ETFA: variants seen among roughly 807,000 people sequenced by gnomAD.
ETFA encodes electron transfer flavoprotein subunit alpha, mitochondrial.
A neutral mutation model predicts 46.2 loss-of-function variants in ETFA; 22 were observed. The observed-to-expected ratio is 0.48, with a 90% CI of 0.34 to 0.68. The LOEUF (loss-of-function observed/expected upper bound fraction) is 0.68, where lower values mean the gene tolerates loss of function less well. Among genes scored for constraint, ETFA ranks in the 30% least tolerant of loss-of-function variants. The pLI, the probability that ETFA is intolerant of heterozygous loss-of-function variation, is 0.01. For missense variants in ETFA, 345 were observed against 401.1 expected (o/e 0.86, Z 1.19); for synonymous variants, 131 against 139.9 (o/e 0.94, Z 0.45).
At chr15:76,239,786 TA>T (rs200710641) in intron 9 of ETFA, among the ~76,000 whole-genome samples, 4,183 of 133,098 alleles carry the variant, frequency 0.031, 116 homozygotes, top group African/African-American at 0.075. Flanking sequence ...TTGTACATAT[TA>T]AAAAAAAAAA....
intron 8 of ETFA, among the ~76,000 whole-genome samples, chr15:76,276,616 G>GT (rs1308003133): frequency 4.4e-4 from 66 of 151,328 alleles, no homozygotes; most frequent in Admixed American, 1.4e-3. Context: ...TACAGTTCAG[G>GT]TTTTTTTGTT....
At chr15:76,232,943 T>C (rs1285988389) in intron 9 of ETFA, among the ~76,000 whole-genome samples, 1 of 152,176 alleles carries the variant, frequency 6.6e-6, no homozygotes, top group Non-Finnish European at 1.5e-5. Flanking sequence ...GTCCAACTGC[T>C]CCTAGAGCAG....
chr15:76,232,843 A>G (rs2039083357), intron 9 of ETFA, among the ~76,000 whole-genome samples: 2 of 152,214 alleles, frequency 1.3e-5, no homozygotes, highest in Non-Finnish European at 2.9e-5. Context: ...GAGAACCACT[A>G]CAATAAGTGA....
At chr15:76,217,900 G>A (rs79195417) in intron 11 of ETFA, among the ~76,000 whole-genome samples, 1,801 of 152,330 alleles carry the variant, frequency 0.012, 40 homozygotes, top group African/African-American at 0.042. Context: ...TTGTCGACAT[G>A]TTGTTTCTTC....
intron 8 of ETFA, among the ~76,000 whole-genome samples, chr15:76,280,010 T>A (rs1398896601): frequency 6.6e-6 from 1 of 151,856 alleles, no homozygotes; most frequent in Non-Finnish European, 1.5e-5. Flanking sequence ...GAGATCCTCC[T>A]GCCTCAGCCT....
intron 9 of ETFA, among the ~76,000 whole-genome samples, chr15:76,272,325 A>G (rs1201800079): frequency 6.6e-6 from 1 of 151,658 alleles, no homozygotes; most frequent in Non-Finnish European, 1.5e-5. Flanking sequence ...GGTTCAAACA[A>G]TTCTCCTGTT....
chr15:76,259,634 C>T, intron 9 of ETFA: 2 of 886,596 alleles, frequency 2.3e-6, no homozygotes, highest in African/African-American at 3.3e-5. Context: ...ACTTGACGGG[C>T]AATTTGGAGG....
intron 2 of ETFA, among the ~76,000 whole-genome samples, chr15:76,292,968 C>T (rs1173003987): frequency 6.6e-6 from 1 of 152,150 alleles, no homozygotes; most frequent in Non-Finnish European, 1.5e-5. Context: ...GAAACCCCAT[C>T]TCTACTAAAA....
intron 1 of ETFA, among the ~76,000 whole-genome samples, chr15:76,307,470 T>A (rs1297488954): frequency 1.3e-5 from 2 of 151,020 alleles, no homozygotes; most frequent in African/African-American, 4.9e-5. Flanking sequence ...AAAGAATACA[T>A]AAAATTTACC....
intron 2 of ETFA, among the ~76,000 whole-genome samples, chr15:76,295,031 A>G (rs2039803467): frequency 6.6e-6 from 1 of 152,202 alleles, no homozygotes; most frequent in African/African-American, 2.4e-5. Flanking sequence ...CTGGTGGTAT[A>G]GACCCTGCAA....
intron 9 of ETFA, among the ~76,000 whole-genome samples, chr15:76,243,679 A>G (rs1332320945): frequency 6.6e-6 from 1 of 151,876 alleles, no homozygotes. Context: ...CACACCTGCA[A>G]TCCCAGCTAC....
At chr15:76,281,428 A>G (rs1421174129) in intron 8 of ETFA, among the ~76,000 whole-genome samples, 2 of 139,034 alleles carry the variant, frequency 1.4e-5, no homozygotes, top group Non-Finnish European at 3.2e-5. Flanking sequence ...ACTCTCTAAC[A>G]TTTTTTTTTT....
chr15:76,226,155 T>C, intron 10 of ETFA: 1 of 430,438 alleles, frequency 2.3e-6, no homozygotes, highest in Non-Finnish European at 4.1e-6. Context: ...GAGTTTAAAA[T>C]CATTATTTTT....
chr15:76,226,936 G>A (rs924315041), intron 10 of ETFA, among the ~76,000 whole-genome samples: 6 of 152,260 alleles, frequency 3.9e-5, no homozygotes, highest in Admixed American at 1.3e-4. Flanking sequence ...CAATTATTCT[G>A]GGATATTCTA....
chr15:76,281,897 CTTTTTTT>C (rs34309169), intron 8 of ETFA, among the ~76,000 whole-genome samples: 1 of 78,102 alleles, frequency 1.3e-5, no homozygotes, highest in African/African-American at 5.1e-5. Flanking sequence ...TACACGTATC[CTTTTTTT>C]TTTTTTTTTT....
intron 9 of ETFA, among the ~76,000 whole-genome samples, chr15:76,243,991 A>G (rs1176943199): frequency 6.6e-6 from 1 of 151,964 alleles, no homozygotes; most frequent in African/African-American, 2.4e-5. Flanking sequence ...GGTTCAAGCA[A>G]TTCTCGTGCC....
chr15:76,240,469 G>C (rs2039174076), intron 9 of ETFA, among the ~76,000 whole-genome samples: 1 of 152,132 alleles, frequency 6.6e-6, no homozygotes, highest in Non-Finnish European at 1.5e-5. Flanking sequence ...AGAGCAGGTG[G>C]GATGTATATC....
chr15:76,287,141 C>A (rs1345994318), intron 5 of ETFA, among the ~76,000 whole-genome samples: 5 of 152,136 alleles, frequency 3.3e-5, no homozygotes, highest in Non-Finnish European at 7.4e-5. Context: ...AGCAAAAAAT[C>A]AACTGAAGAG....
chr15:76,300,501 C>T (rs944033390), intron 1 of ETFA, among the ~76,000 whole-genome samples: 4 of 152,206 alleles, frequency 2.6e-5, no homozygotes, highest in African/African-American at 9.6e-5. Flanking sequence ...TCTCCATCGT[C>T]AATGCCAATA....
Sources: allele counts gnomAD v4.1 joint callset (sites outside exome capture counted in the v4.1 genomes callset), GRCh38; gene constraint gnomAD v4.1.1; transcripts MANE v1.5; gene names NCBI Gene and HGNC (gene_info 2026-07-23, HGNC 2026-07-21).